HSD17B14: variants seen among roughly 807,000 people sequenced by gnomAD.
The protein encoded by HSD17B14 is L-fucose dehydrogenase.
HSD17B14 carries 32 observed loss-of-function variants against 32.2 expected under a neutral mutation model. The observed-to-expected ratio is 0.99, with a 90% CI of 0.75 to 1.33. The LOEUF (loss-of-function observed/expected upper bound fraction) is 1.33, where lower values mean the gene tolerates loss of function less well. Among genes scored for constraint, HSD17B14 ranks in the 40% most tolerant of loss-of-function variants. The pLI, the probability that HSD17B14 is intolerant of heterozygous loss-of-function variation, is 0.00. For synonymous variants in HSD17B14, 140 were observed against 155.4 expected, an observed-to-expected ratio of 0.90 and a Z score of 0.74; for missense variants, 370 against 366.5, an observed-to-expected ratio of 1.01 and a Z score of -0.08.
chr19:48,836,265 C>T, intron 1 of HSD17B14, 59 bp downstream of exon 1: 3 of 1,535,140 alleles, frequency 2.0e-6, no homozygotes, highest in South Asian at 2.2e-5. Flanking sequence ...CCCCCATCAC[C>T]CCGCCCCCAT....
At chr19:48,833,656 G>A (rs1175289535) in intron 3 of HSD17B14, among the ~76,000 whole-genome samples, 5 of 152,042 alleles carry the variant, frequency 3.3e-5, no homozygotes, top group Admixed American at 2.0e-4. Flanking sequence ...GAGAAACACC[G>A]TCTCTACTAA....
At chr19:48,820,732 G>T (rs2035132476) in intron 5 of HSD17B14, among the ~76,000 whole-genome samples, 1 of 151,600 alleles carries the variant, frequency 6.6e-6, no homozygotes, top group Non-Finnish European at 1.5e-5. Flanking sequence ...GCCGGGCGCA[G>T]TGGCTCACAT....
At chr19:48,822,731 G>T (rs1243556579) in intron 5 of HSD17B14, among the ~76,000 whole-genome samples, 2 of 151,780 alleles carry the variant, frequency 1.3e-5, no homozygotes, top group Non-Finnish European at 2.9e-5. Context: ...TGCTGTCATT[G>T]ATGGTGATGG....
chr19:48,826,525 G>GAAAAAAAAAAAA (rs1418028808), intron 5 of HSD17B14, among the ~76,000 whole-genome samples: 455 of 4,934 alleles, frequency 0.092, 8 homozygotes, highest in Middle Eastern at 0.25. Context: ...AAGAAAAGAA[G>GAAAAAAAAAAAA]AAAATATATA....
chr19:48,828,499 T>C (rs2035287516), intron 5 of HSD17B14, among the ~76,000 whole-genome samples: 1 of 152,032 alleles, frequency 6.6e-6, no homozygotes, highest in South Asian at 2.1e-4. Flanking sequence ...ACCCCTGTGG[T>C]CCCAGCTGCT....
At chr19:48,817,470 C>T (rs758142424) in intron 5 of HSD17B14, among the ~76,000 whole-genome samples, 11 of 152,104 alleles carry the variant, frequency 7.2e-5, no homozygotes, top group Admixed American at 2.6e-4. Context: ...TCAGCCACCA[C>T]GCCTGGCCCC....
chr19:48,813,506 C>A lies in HSD17B14; in HGVS notation c.589G>T (p.Ala197Ser). ...IWTPLWEELA[A>S]LMPDPRATIR... Reference sequence around the variant, plus strand: ...GTGGCCCTAGGGTCTGGCATTAAGGCTGCCAGCTCCTCCCACAGCGGGGTC... The same window carrying A: ...GTGGCCCTAGGGTCTGGCATTAAGGATGCCAGCTCCTCCCACAGCGGGGTC... The change falls in exon 8 of 9, where the codon GCC becomes TCC. Residue 197 changes from alanine to serine, a missense_variant. Coordinates refer to ENST00000263278, the MANE Select transcript of HSD17B14 (RefSeq NM_016246.3). 1 of 1,614,010 alleles carries A rather than the reference C, an allele frequency of 6.2e-7. No individual in the cohort carries two copies. The highest frequency in any genetic ancestry group is 8.5e-7 in the Non-Finnish European group (1 of 1,179,960).
At chr19:48,831,540 G>C in intron 5 of HSD17B14, 128 bp downstream of exon 5, 1 of 747,866 alleles carries the variant, frequency 1.3e-6, no homozygotes, top group African/African-American at 1.7e-5. Context: ...GCGACAGAGA[G>C]AGACCCTGTC....
chr19:48,831,367 C>T (rs2035332451), intron 5 of HSD17B14, among the ~76,000 whole-genome samples: 1 of 151,978 alleles, frequency 6.6e-6, no homozygotes, highest in African/African-American at 2.4e-5. Flanking sequence ...AGGCAGATCA[C>T]TTGCAGTCAG....
rs1312848368 is a variant in HSD17B14 at position 48,813,324 on chromosome 19, C to A, written c.664G>T (p.Ala222Ser). ...AACACTGCCGCAGCCCCGACCTCAG[C>A]GGGCTGGCCCATGCGGCCCAGTGGC... ...AQPLGRMGQP[A>S]EVGAAAVFLA... The change falls in exon 9 of 9, where the codon GCT becomes TCT. Residue 222 changes from alanine to serine, a missense_variant. Coordinates refer to ENST00000263278, the MANE Select transcript of HSD17B14 (RefSeq NM_016246.3). The A allele has an allele frequency of 1.3e-6, 2 of 1,591,640 alleles. No homozygotes were observed. The highest frequency in any genetic ancestry group is 1.1e-5 in the South Asian group (1 of 88,088).
At chr19:48,835,773 G>C in intron 2 of HSD17B14, 32 bp downstream of exon 2, 2 of 1,612,366 alleles carry the variant, frequency 1.2e-6, no homozygotes, top group Non-Finnish European at 1.7e-6. Flanking sequence ...GGGAGGAAGG[G>C]CCAAGGTGAG....
chr19:48,816,135 G>A (rs879533890), intron 5 of HSD17B14, among the ~76,000 whole-genome samples: 3 of 151,868 alleles, frequency 2.0e-5, no homozygotes, highest in Non-Finnish European at 4.4e-5. Flanking sequence ...GTGTGTGCGT[G>A]TGTGTTCGTT....
chr19:48,819,301 A>T (rs1006145928), intron 5 of HSD17B14, among the ~76,000 whole-genome samples: 2 of 151,644 alleles, frequency 1.3e-5, no homozygotes, highest in Non-Finnish European at 2.9e-5. Flanking sequence ...AATGCAATCA[A>T]CTCCTAATAC....
At position 48,829,976 on chromosome 19, in the gene HSD17B14, A is replaced by AT. The variant is rs569171720; in HGVS notation, c.369+1691dup. 6.9e-5 allele frequency among the ~76,000 whole-genome samples: 10 copies of AT among 145,518 alleles called. No individual in the cohort carries two copies. The East Asian group carries it at 1.2e-3, about 18-fold the overall frequency. ...CTTTTTAAAAATTAATTAATGAATTATTTTTTTTTTGAGACAAGGTCTCAC... is the reference window on the plus strand; with the variant it reads ...CTTTTTAAAAATTAATTAATGAATTATTTTTTTTTTTGAGACAAGGTCTCAC... On this transcript the variant is annotated intron_variant, in intron 5 of 8. Transcript: ENST00000263278.
rs62127968 is a variant in HSD17B14 at position 48,836,453 on chromosome 19, T to C, written c.-42A>G. On this transcript the variant is annotated 5_prime_UTR_variant, in exon 1 of 9. Coordinates refer to ENST00000263278, the MANE Select transcript of HSD17B14 (RefSeq NM_016246.3). Reference sequence around the variant, plus strand: ...TCTCTCTCTCTCTACTCTGGGCCTCTTTCACCTCCAAAGCCCCGTGAGGCC... The same window carrying C: ...TCTCTCTCTCTCTACTCTGGGCCTCCTTCACCTCCAAAGCCCCGTGAGGCC... 0.014 allele frequency: 21,757 copies of C among 1,594,594 alleles called. 171 individuals carry two copies. The highest frequency in any genetic ancestry group is 0.017 in the Non-Finnish European group (19,801 of 1,165,040).
intron 5 of HSD17B14, among the ~76,000 whole-genome samples, chr19:48,821,035 CAG>C (rs2035139306): frequency 1.7e-5 from 2 of 121,134 alleles, no homozygotes; most frequent in African/African-American, 3.2e-5. Flanking sequence ...TTTTTTTTGA[CAG>C]AGTCTCACTC....
At chr19:48,832,092 A>AG (rs1288355359) in intron 4 of HSD17B14, among the ~76,000 whole-genome samples, 2 of 141,948 alleles carry the variant, frequency 1.4e-5, no homozygotes, top group South Asian at 2.3e-4. Context: ...AAAAAAAAAA[A>AG]AAAAAAGCCG....
Position 48,813,192 on chromosome 19 carries a change from G to T in HSD17B14, c.796C>A (p.Pro266Thr). 6.3e-7 allele frequency: 1 copy of T among 1,598,144 alleles called. No individual in the cohort carries two copies. Among genetic ancestry groups the T allele is most frequent in the Non-Finnish European group, 8.5e-7 (1 of 1,172,068 alleles). ...KASRSTPVDA[P>T]DIPS Reference sequence around the variant, plus strand: ...GAGAGAAATCAGGAAGGGATATCGGGGGCGTCCACGGGGGTGCTCCGACTG... The same window carrying T: ...GAGAGAAATCAGGAAGGGATATCGGTGGCGTCCACGGGGGTGCTCCGACTG... The change falls in exon 9 of 9, where the codon CCC becomes ACC. Residue 266 changes from proline (P) to threonine (T), a missense_variant. Pro to Thr is a conservative substitution (Grantham distance 38). Coordinates refer to ENST00000263278, the MANE Select transcript of HSD17B14 (RefSeq NM_016246.3).
chr19:48,826,898 T>C (rs1342687478), intron 5 of HSD17B14, among the ~76,000 whole-genome samples: 1 of 151,928 alleles, frequency 6.6e-6, no homozygotes, highest in Non-Finnish European at 1.5e-5. Flanking sequence ...CACGATCTCA[T>C]GCCCAATGCC....
Sources: gnomAD v4.1 joint callset for allele counts (sites outside exome capture counted in the v4.1 genomes callset) on GRCh38, gnomAD v4.1.1 for gene constraint, MANE v1.5 for transcripts, NCBI Gene and HGNC (gene_info 2026-07-23, HGNC 2026-07-21) for gene names.